The following ASIC2 variants were observed in gnomAD, a reference collection of about 807,000 sequenced individuals.
ASIC2 encodes the protein acid-sensing ion channel 2.
ASIC2 carries 25 observed loss-of-function variants against 57.3 expected under a neutral mutation model. The observed-to-expected ratio is 0.44, with a 90% confidence interval of 0.32 to 0.61. ASIC2 has a LOEUF of 0.61. Among genes scored for constraint, ASIC2 ranks in the 20% least tolerant of loss-of-function variants. The pLI, the probability that ASIC2 is intolerant of heterozygous loss-of-function variation, is 0.06. For missense variants in ASIC2, 641 were observed against 738.1 expected, an observed-to-expected ratio of 0.87 and a Z score of 1.52; for synonymous variants, 319 against 307.5, an observed-to-expected ratio of 1.04 and a Z score of -0.39.
At chr17:33,199,930 T>C (rs926611937) in intron 1 of ASIC2, among the ~76,000 whole-genome samples, 1 of 152,158 alleles carries the variant, frequency 6.6e-6, no homozygotes, top group African/African-American at 2.4e-5. Context: ...TCCTGCCTCC[T>C]TGCGTTCCCT....
intron 1 of ASIC2, among the ~76,000 whole-genome samples, chr17:33,856,456 GT>G (rs1361734357): frequency 5.1e-5 from 6 of 116,764 alleles, no homozygotes; most frequent in African/African-American, 1.6e-4. Flanking sequence ...AGTAGTAATA[GT>G]CTTATCAGTA....
At chr17:34,068,765 C>T (rs922597721) in intron 1 of ASIC2, among the ~76,000 whole-genome samples, 3 of 152,152 alleles carry the variant, frequency 2.0e-5, no homozygotes, top group African/African-American at 7.2e-5. Context: ...GATAGATGCC[C>T]CACCCCAGGC....
chr17:33,615,354 C>A (rs752824873), intron 1 of ASIC2, among the ~76,000 whole-genome samples: 1 of 152,096 alleles, frequency 6.6e-6, no homozygotes, highest in African/African-American at 2.4e-5. Context: ...TTTAAAAAAT[C>A]TATTAAGTCC....
intron 1 of ASIC2, among the ~76,000 whole-genome samples, chr17:33,355,644 A>G (rs1039614814): frequency 2.0e-5 from 3 of 152,204 alleles, no homozygotes; most frequent in African/African-American, 7.2e-5. Context: ...CTGTTCCCAT[A>G]ACAACCCTTG....
At chr17:34,142,238 C>A (rs1057459446) in intron 1 of ASIC2, among the ~76,000 whole-genome samples, 3 of 152,150 alleles carry the variant, frequency 2.0e-5, no homozygotes, top group African/African-American at 7.2e-5. Context: ...GGAGACCCTG[C>A]CCAATCACTC....
At chr17:33,379,489 C>T (rs1909400966) in intron 1 of ASIC2, among the ~76,000 whole-genome samples, 1 of 152,170 alleles carries the variant, frequency 6.6e-6, no homozygotes, top group South Asian at 2.1e-4. Flanking sequence ...CTCCTGGGAC[C>T]TTTTAAGGGG....
chr17:33,813,475 C>T (rs375873610), intron 1 of ASIC2, among the ~76,000 whole-genome samples: 4 of 152,176 alleles, frequency 2.6e-5, no homozygotes, highest in African/African-American at 7.2e-5. Flanking sequence ...CTCACTCTGT[C>T]GCCCAGGCTG....
chr17:33,921,992 C>T (rs910754150), intron 1 of ASIC2, among the ~76,000 whole-genome samples: 2 of 152,108 alleles, frequency 1.3e-5, no homozygotes, highest in African/African-American at 4.8e-5. Flanking sequence ...TAGCAGCTGA[C>T]GGGCCTGGGA....
At chr17:33,113,517 A>G (rs2092268225) in intron 1 of ASIC2, among the ~76,000 whole-genome samples, 1 of 152,194 alleles carries the variant, frequency 6.6e-6, no homozygotes, top group Non-Finnish European at 1.5e-5. Flanking sequence ...AGCATGCTCC[A>G]CTGCACTGTC....
At chr17:33,816,926 C>T (rs1239533672) in intron 1 of ASIC2, among the ~76,000 whole-genome samples, 3 of 152,248 alleles carry the variant, frequency 2.0e-5, no homozygotes, top group Non-Finnish European at 4.4e-5. Flanking sequence ...CCAGTGATTG[C>T]AGTTAATGCT....
intron 1 of ASIC2, among the ~76,000 whole-genome samples, chr17:33,907,979 C>A (rs1038616631): frequency 4.6e-5 from 7 of 152,124 alleles, no homozygotes; most frequent in Admixed American, 6.5e-5. Context: ...GTTTTTTTCC[C>A]TCACACTGAA....
chr17:33,581,856 G>A (rs1050740588), intron 1 of ASIC2, among the ~76,000 whole-genome samples: 1 of 152,200 alleles, frequency 6.6e-6, no homozygotes, highest in Non-Finnish European at 1.5e-5. Context: ...GAGCGGGGAG[G>A]TGGGGTTTTT....
At chr17:33,600,367 T>C (rs1905091975) in intron 1 of ASIC2, among the ~76,000 whole-genome samples, 1 of 152,224 alleles carries the variant, frequency 6.6e-6, no homozygotes, top group South Asian at 2.1e-4. Context: ...TCCTAGCTTC[T>C]AGAACCATGA....
chr17:33,141,631 G>C (rs1014537997), intron 1 of ASIC2, among the ~76,000 whole-genome samples: 2 of 152,226 alleles, frequency 1.3e-5, no homozygotes, highest in African/African-American at 2.4e-5. Flanking sequence ...AGAGAGGGAA[G>C]AGCTGATTCC....
chr17:34,061,448 C>T (rs1908966325), intron 1 of ASIC2, among the ~76,000 whole-genome samples: 1 of 152,024 alleles, frequency 6.6e-6, no homozygotes, highest in Non-Finnish European at 1.5e-5. Context: ...AGTTAAAAAG[C>T]AAAAACAAAA....
intron 1 of ASIC2, among the ~76,000 whole-genome samples, chr17:33,524,157 C>T (rs1434818987): frequency 6.6e-6 from 1 of 152,218 alleles, no homozygotes; most frequent in African/African-American, 2.4e-5. Context: ...GGCTCAGCCT[C>T]TGAGATTCTG....
intron 1 of ASIC2, chr17:34,069,305 CCTTCCTTT>C (rs1909298321): frequency 8.1e-6 from 1 of 123,008 alleles, no homozygotes; most frequent in African/African-American, 3.3e-5. Context: ...CTTCTTCCTT[CCTTCCTTT>C]CTTCCTTTCC....
chr17:34,070,583 G>C (rs1307894319), intron 1 of ASIC2: 1 of 152,174 alleles, frequency 6.6e-6, no homozygotes, highest in Admixed American at 6.5e-5. Flanking sequence ...GAACTCCATA[G>C]GCTCCCTGAG....
chr17:33,619,462 A>T (rs1905711116), intron 1 of ASIC2, among the ~76,000 whole-genome samples: 1 of 152,224 alleles, frequency 6.6e-6, no homozygotes, highest in South Asian at 2.1e-4. Context: ...TTTGATTGTA[A>T]TAGAAAAGGA....
Sources: allele counts gnomAD v4.1 joint callset (sites outside exome capture counted in the v4.1 genomes callset), GRCh38; gene constraint gnomAD v4.1.1; transcripts MANE v1.5; gene names NCBI Gene and HGNC (gene_info 2026-07-23, HGNC 2026-07-21).